The following RHOBTB1 variants were observed in gnomAD, a reference collection of about 807,000 sequenced individuals.
The protein encoded by RHOBTB1 is Rho related BTB domain containing 1.
RHOBTB1 carries 40 observed loss-of-function variants against 71.6 expected under a neutral mutation model. The observed-to-expected ratio is 0.56, with a 90% CI of 0.43 to 0.73. RHOBTB1 has a LOEUF of 0.73. Ranked by LOEUF, RHOBTB1 falls within the 30% of genes least tolerant of loss-of-function variation. The pLI is 0.00. For synonymous variants in RHOBTB1, 319 were observed against 334.9 expected, an observed-to-expected ratio of 0.95 and a Z score of 0.52; for missense variants, 797 against 894.0, an observed-to-expected ratio of 0.89 and a Z score of 1.38.
chr10:60,915,840 C>T (rs1176174701), intron 2 of RHOBTB1, among the ~76,000 whole-genome samples: 2 of 152,174 alleles, frequency 1.3e-5, no homozygotes. Flanking sequence ...CGTTCTTGGG[C>T]CTACAGGATG....
At chr10:60,986,970 G>C (rs2086688675) in intron 1 of RHOBTB1, among the ~76,000 whole-genome samples, 2 of 152,246 alleles carry the variant, frequency 1.3e-5, no homozygotes, top group East Asian at 3.9e-4. Context: ...GATTGCCGGT[G>C]GCTCCAGGCC....
At chr10:60,963,456 T>C (rs2085854782) in intron 2 of RHOBTB1, among the ~76,000 whole-genome samples, 1 of 152,274 alleles carries the variant, frequency 6.6e-6, no homozygotes, top group African/African-American at 2.4e-5. Flanking sequence ...GTTGCACCCT[T>C]TGCATAAAAA....
Position 60,965,015 on chromosome 10 carries a change from G to C in RHOBTB1, c.-62+20830C>G, listed in dbSNP as rs777749064. Among the ~76,000 whole-genome samples the C allele has an allele frequency of 1.1e-4, 16 of 152,168 alleles. 1 individual carries two copies. The highest frequency in any genetic ancestry group is 2.1e-4 in the South Asian group (1 of 4,830). ...AAATAAACCCTCTGCCTTTGGGAGA[G>C]AATTTCACAACTTTAGGGTGATAGG... On this transcript the variant is annotated intron_variant, in intron 2 of 11. Coordinates refer to the RHOBTB1 transcript ENST00000357917.
intron 6 of RHOBTB1, among the ~76,000 whole-genome samples, chr10:60,886,897 T>C (rs2081611302): frequency 6.6e-6 from 1 of 151,814 alleles, no homozygotes; most frequent in Non-Finnish European, 1.5e-5. Context: ...TTTTTACAGA[T>C]AGCATGGCAC....
chr10:60,964,771 T>C (rs2085901782), intron 2 of RHOBTB1, among the ~76,000 whole-genome samples: 1 of 152,100 alleles, frequency 6.6e-6, no homozygotes, highest in Non-Finnish European at 1.5e-5. Context: ...ATTTCCAAAC[T>C]GTTACTTATT....
intron 4 of RHOBTB1, among the ~76,000 whole-genome samples, chr10:60,900,576 A>C (rs2133069558): frequency 6.6e-6 from 1 of 152,270 alleles, no homozygotes; most frequent in South Asian, 2.1e-4. Flanking sequence ...TGTTCCTATT[A>C]ATTTCTCTCT....
chr10:60,973,871 T>C (rs935659460), intron 2 of RHOBTB1, among the ~76,000 whole-genome samples: 1 of 152,076 alleles, frequency 6.6e-6, no homozygotes, highest in African/African-American at 2.4e-5. Context: ...ATGTAGGTGA[T>C]ACAATTTTAT....
intron 1 of RHOBTB1, among the ~76,000 whole-genome samples, chr10:60,994,403 A>C (rs1455566191): frequency 6.6e-6 from 1 of 152,200 alleles, no homozygotes; most frequent in African/African-American, 2.4e-5. Flanking sequence ...TGGGCCAAGC[A>C]CCATCTGAGG....
chr10:60,992,754 A>C (rs1293065268), intron 1 of RHOBTB1, among the ~76,000 whole-genome samples: 1 of 152,196 alleles, frequency 6.6e-6, no homozygotes, highest in Admixed American at 6.5e-5. Flanking sequence ...GAGAGTAAAA[A>C]CATTCCACAT....
intron 1 of RHOBTB1, among the ~76,000 whole-genome samples, chr10:60,994,814 A>G (rs907336122): frequency 1.3e-5 from 2 of 152,124 alleles, no homozygotes; most frequent in African/African-American, 4.8e-5. Flanking sequence ...TCATAAGTTT[A>G]TGAGCCAAGT....
intron 2 of RHOBTB1, 129 bp from the exon 3 acceptor site, chr10:60,911,681 A>G: frequency 1.3e-6 from 1 of 747,114 alleles, no homozygotes. Context: ...ACAGGAAAGA[A>G]TGTTTGGAAG....
At chr10:60,998,472 T>C (rs916408634) in intron 1 of RHOBTB1, among the ~76,000 whole-genome samples, 3 of 152,018 alleles carry the variant, frequency 2.0e-5, no homozygotes, top group African/African-American at 7.3e-5. Context: ...ATTAAACAAA[T>C]ATAAATAAGA....
chr10:60,991,152 G>A (rs1281859008), intron 1 of RHOBTB1, among the ~76,000 whole-genome samples: 2 of 152,028 alleles, frequency 1.3e-5, no homozygotes, highest in Non-Finnish European at 2.9e-5. Context: ...TCACTGATAT[G>A]CATACTCTTC....
intron 2 of RHOBTB1, among the ~76,000 whole-genome samples, chr10:60,959,190 C>G (rs2134494936): frequency 6.6e-6 from 1 of 152,238 alleles, no homozygotes; most frequent in Non-Finnish European, 1.5e-5. Flanking sequence ...AAAACAAACT[C>G]TTATCTGAGT....
intron 2 of RHOBTB1, among the ~76,000 whole-genome samples, chr10:60,919,590 A>G (rs2083446617): frequency 6.6e-6 from 1 of 152,236 alleles, no homozygotes; most frequent in African/African-American, 2.4e-5. Flanking sequence ...CCACCATTTA[A>G]ATCAACAGAA....
intron 2 of RHOBTB1, among the ~76,000 whole-genome samples, chr10:60,938,525 A>G (rs2084724843): frequency 6.6e-6 from 1 of 152,214 alleles, no homozygotes; most frequent in Non-Finnish European, 1.5e-5. Flanking sequence ...CTATGACTCA[A>G]CTGTTTAAGA....
rs112509297 is a variant in RHOBTB1, at chr10:60,871,282, C to T, written c.*200G>A. 3,072 of 495,788 alleles carry T rather than the reference C, an allele frequency of 6.2e-3. 73 individuals are homozygous for T. The highest frequency in any genetic ancestry group is 0.056 in the African/African-American group (2,858 of 50,828). The allele number at this position is 495,788 out of a possible 1,614,324, so 30.7% of individuals were successfully genotyped here. ...TAAGGAATGCAGTGAGAGTCAGCTT[C>T]CCTTTTTGTCCAGGCTCATTGATGG... On this transcript the variant is annotated 3_prime_UTR_variant, in exon 11 of 11. Coordinates refer to ENST00000337910, the MANE Select transcript of RHOBTB1 (RefSeq NM_014836.5).
the RHOBTB1 span, among the ~76,000 whole-genome samples, chr10:60,863,579 C>G: frequency 6.6e-6 from 1 of 152,080 alleles, no homozygotes; most frequent in African/African-American, 2.4e-5. Flanking sequence ...GTTGCCCAGG[C>G]TAGAGTGCAG....
rs2080722274 is a variant in RHOBTB1, at chr10:60,870,375, A to G, written c.*1107T>C. On this transcript the variant is annotated 3_prime_UTR_variant, in exon 11 of 11. Coordinates refer to ENST00000337910, the MANE Select transcript of RHOBTB1 (RefSeq NM_014836.5). The stretch of plus-strand genomic sequence containing the variant: ...TTGTGCTTTCACAGGCTCCCAATGC[A>G]TTTCAGCAGAAGTGGGTGGTCTGCC... The G allele has an allele frequency of 6.6e-6, 1 of 152,560 alleles. No individual in the cohort carries two copies. Among genetic ancestry groups the G allele is most frequent in the Non-Finnish European group, 1.5e-5 (1 of 68,038 alleles). 9.5% of individuals were successfully genotyped at this position (152,560 alleles called of 1,614,324 possible).
Sources: gnomAD v4.1 joint callset for allele counts (sites outside exome capture counted in the v4.1 genomes callset) on GRCh38, gnomAD v4.1.1 for gene constraint, MANE v1.5 for transcripts, NCBI Gene and HGNC (gene_info 2026-07-23, HGNC 2026-07-21) for gene names.